Variants in MEI1 observed in about 807,000 individuals in gnomAD.
MEI1 encodes meiosis inhibitor protein 1.
In MEI1, 103 loss-of-function variants were observed where a neutral mutation model predicts 146.2. The ratio of observed to expected loss-of-function variants is 0.70; its 90% CI spans 0.60 to 0.83. The LOEUF (loss-of-function observed/expected upper bound fraction) is 0.83, where lower values mean the gene tolerates loss of function less well. Among genes scored for constraint, MEI1 ranks in the 40% least tolerant of loss-of-function variants. The probability of loss-of-function intolerance (pLI) is 0.00; values close to 1 mark genes in which losing one functional copy is unlikely to be tolerated. For synonymous variants in MEI1, 652 were observed against 628.2 expected (o/e 1.04, Z -0.57); for missense variants, 1,529 against 1,533.0 (o/e 1.00, Z 0.04).
intron 18 of MEI1, among the ~76,000 whole-genome samples, chr22:41,759,709 G>A (rs904671837): frequency 6.6e-6 from 1 of 151,848 alleles, no homozygotes; most frequent in Non-Finnish European, 1.5e-5. Context: ...GGCGCCTGTA[G>A]TCCCAGCTAC....
intron 7 of MEI1, among the ~76,000 whole-genome samples, chr22:41,726,247 T>G (rs925616364): frequency 1.3e-5 from 2 of 152,118 alleles, no homozygotes; most frequent in African/African-American, 4.8e-5. Flanking sequence ...AACTGACTTC[T>G]AAAGAAAATA....
chr22:41,781,227 C>A, intron 22 of MEI1, 57 bp from the exon 23 acceptor site: 3 of 1,290,506 alleles, frequency 2.3e-6, no homozygotes, highest in Non-Finnish European at 3.3e-6. Context: ...AGGCTACCAC[C>A]TATGACAAGT....
chr22:41,796,599 T>G (rs957960847), intron 30 of MEI1, among the ~76,000 whole-genome samples: 1 of 152,152 alleles, frequency 6.6e-6, no homozygotes, highest in African/African-American at 2.4e-5. Flanking sequence ...TGCTCCAAAA[T>G]CTGAAACTTT....
intron 5 of MEI1, among the ~76,000 whole-genome samples, chr22:41,717,408 C>T (rs1003437024): frequency 1.3e-5 from 2 of 151,938 alleles, no homozygotes; most frequent in Non-Finnish European, 2.9e-5. Flanking sequence ...AGTGATCTGC[C>T]CACCTCGGCC....
chr22:41,776,257 C>T lies in MEI1; in HGVS notation c.2700C>T (p.Ser900=). ...GTCTGCTAGTGGAGCATGGGGCATC[C>T]CCATCAGGAGGTCAGTCTGCAGGTG... ...LQRLLVEHGA[S]PSGASGNLPL... The change falls in exon 21 of 31, where the codon TCC becomes TCT. Residue 900 remains serine, a synonymous_variant. Transcript: ENST00000401548. 1 of 1,613,534 alleles carries T rather than the reference C, an allele frequency of 6.2e-7. No individual in the cohort carries two copies. Among genetic ancestry groups the T allele is most frequent in the Non-Finnish European group, 8.5e-7 (1 of 1,179,814 alleles).
intron 20 of MEI1, among the ~76,000 whole-genome samples, chr22:41,775,332 T>G (rs2075383613): frequency 6.6e-6 from 1 of 152,196 alleles, no homozygotes; most frequent in Non-Finnish European, 1.5e-5. Context: ...ATCCTCTGCC[T>G]GCCCAGTGAC....
At chr22:41,712,232 TG>T (rs2069642691) in intron 3 of MEI1, among the ~76,000 whole-genome samples, 1 of 119,940 alleles carries the variant, frequency 8.3e-6, no homozygotes, top group Admixed American at 9.0e-5. Context: ...GTGTTTTTTT[TG>T]TTTGTTTGTT....
chr22:41,700,327 A>G (rs898370384), intron 1 of MEI1, among the ~76,000 whole-genome samples: 9 of 152,170 alleles, frequency 5.9e-5, no homozygotes, highest in East Asian at 1.9e-4. Flanking sequence ...CGCGTTTGCA[A>G]TGAAGTGGTT....
intron 27 of MEI1, 27 bp from the exon 28 acceptor site, chr22:41,794,344 G>A (rs1340308985): frequency 6.3e-7 from 1 of 1,588,970 alleles, no homozygotes; most frequent in Admixed American, 1.7e-5. Flanking sequence ...GGTCTTGGAA[G>A]CATTAACAAC....
At chr22:41,767,354 A>G (rs1312643937) in intron 19 of MEI1, among the ~76,000 whole-genome samples, 1 of 152,204 alleles carries the variant, frequency 6.6e-6, no homozygotes, top group African/African-American at 2.4e-5. Context: ...CTTCCTGGCG[A>G]GATCTCCTTC....
chr22:41,723,408 T>C (rs914977762), intron 6 of MEI1, among the ~76,000 whole-genome samples: 1 of 151,832 alleles, frequency 6.6e-6, no homozygotes. Flanking sequence ...AGAGAGGGGG[T>C]TTCACCATGT....
intron 17 of MEI1, among the ~76,000 whole-genome samples, chr22:41,758,122 A>T (rs575115160): frequency 6.6e-6 from 1 of 152,178 alleles, no homozygotes; most frequent in East Asian, 1.9e-4. Context: ...AAAACAAAAC[A>T]AAAAAGGAAT....
chr22:41,702,672 C>T (rs2068800396), intron 1 of MEI1, among the ~76,000 whole-genome samples: 1 of 151,978 alleles, frequency 6.6e-6, no homozygotes, highest in South Asian at 2.1e-4. Flanking sequence ...CTCGAACTCC[C>T]AACCTCAGGT....
At chr22:41,789,788 C>T (rs548187598) in intron 26 of MEI1, among the ~76,000 whole-genome samples, 1 of 152,202 alleles carries the variant, frequency 6.6e-6, no homozygotes, top group Non-Finnish European at 1.5e-5. Context: ...GGAAGGGGAA[C>T]CCAACCTGAG....
chr22:41,742,192 G>GCA (rs2072935272), intron 11 of MEI1, among the ~76,000 whole-genome samples: 4 of 152,136 alleles, frequency 2.6e-5, no homozygotes, highest in African/African-American at 7.2e-5. Context: ...TCTGGGAGAT[G>GCA]GAGGTTGCAG....
intron 2 of MEI1, among the ~76,000 whole-genome samples, chr22:41,703,852 G>A (rs748094267): frequency 2.0e-5 from 3 of 152,166 alleles, no homozygotes; most frequent in Non-Finnish European, 4.4e-5. Context: ...TCAGTGTGGT[G>A]GCGCGTGCCT....
At chr22:41,781,883 G>A (rs1242752334) in intron 24 of MEI1, 38 bp downstream of exon 24, 2 of 1,607,190 alleles carry the variant, frequency 1.2e-6, no homozygotes, top group Admixed American at 1.7e-5. Context: ...GGCATGGGGT[G>A]GCACTCAAAG....
chr22:41,725,830 A>G (rs545536335), intron 7 of MEI1, among the ~76,000 whole-genome samples: 1 of 152,240 alleles, frequency 6.6e-6, no homozygotes, highest in South Asian at 2.1e-4. Flanking sequence ...ACTGGCTGGG[A>G]GCTCTTTCAG....
At chr22:41,720,706 C>G (rs8137216) in intron 6 of MEI1, among the ~76,000 whole-genome samples, 2,451 of 151,938 alleles carry the variant, frequency 0.016, 49 homozygotes, top group Admixed American at 0.058. Context: ...ACGCCATTCT[C>G]CTGCCTCAGT....
Sources: gnomAD v4.1 joint callset for allele counts (sites outside exome capture counted in the v4.1 genomes callset) on GRCh38, gnomAD v4.1.1 for gene constraint, MANE v1.5 for transcripts, NCBI Gene and HGNC (gene_info 2026-07-23, HGNC 2026-07-21) for gene names.